Variants in DNAAF4 observed in about 807,000 individuals in gnomAD.
DNAAF4 encodes dynein axonemal assembly factor 4, also known as dynein assembly factor 4, axonemal.
Under a neutral mutation model 51.8 loss-of-function variants are expected in DNAAF4, and 43 were observed. That is an observed-to-expected ratio of 0.83 (90% CI 0.65 to 1.07). The LOEUF (loss-of-function observed/expected upper bound fraction) is 1.07. Ranked by LOEUF, DNAAF4 falls within the 50% of genes least tolerant of loss-of-function variation. DNAAF4 has a pLI of 0.00. For synonymous variants in DNAAF4, 194 were observed against 165.6 expected (o/e 1.17, Z -1.32); for missense variants, 581 against 493.0 (o/e 1.18, Z -1.69).
Position 55,458,312 on chromosome 15 carries a change from G to C in DNAAF4, c.638-7945C>G, listed in dbSNP as rs532340325. Among the ~76,000 whole-genome samples, 80 of 152,032 alleles carry C rather than the reference G, an allele frequency of 5.3e-4. 3 individuals carry two copies. In the South Asian group the frequency reaches 0.016, roughly 31 times the overall value. On this transcript the variant is annotated intron_variant, in intron 5 of 9. Transcript: ENST00000321149. ...AAAAAAGGAGGATATGAATGGAAAA[G>C]TCTCCAGAGAAATAGATATTATAAA...
chr15:55,417,905 G>T (rs776932070), exon 8 of DNAAF4: 25 of 453,670 alleles, frequency 5.5e-5, no homozygotes, highest in Non-Finnish European at 8.6e-5. Flanking sequence ...TTCTGTGGCG[G>T]GCAGGGGCAG....
At chr15:55,418,649 A>G (rs2057359518) in intron 7 of DNAAF4, 1 of 975,752 alleles carries the variant, frequency 1.0e-6, no homozygotes, top group Middle Eastern at 3.2e-4. Flanking sequence ...AATACCTAAT[A>G]AAGAAGATAA....
intron 3 of DNAAF4, among the ~76,000 whole-genome samples, chr15:55,494,045 T>C (rs75373005): frequency 6.6e-6 from 1 of 151,900 alleles, no homozygotes; most frequent in African/African-American, 2.4e-5. Flanking sequence ...TTTTTTTTTT[T>C]TGAGACTGAG....
At chr15:55,424,379 T>G in intron 7 of DNAAF4, among the ~76,000 whole-genome samples, 1 of 152,228 alleles carries the variant, frequency 6.6e-6, no homozygotes, top group South Asian at 2.1e-4. Context: ...ATAAATTACC[T>G]AGTCTGTGGT....
intron 1 of DNAAF4, among the ~76,000 whole-genome samples, chr15:55,501,716 GC>G (rs144987435): frequency 0.044 from 6,631 of 151,062 alleles, 218 homozygotes; most frequent in South Asian, 0.083. Flanking sequence ...CATTAGGGAG[GC>G]AAAAAATTAA....
chr15:55,474,432 G>A (rs1322480146), intron 4 of DNAAF4, among the ~76,000 whole-genome samples: 1 of 152,020 alleles, frequency 6.6e-6, no homozygotes. Flanking sequence ...TACTCAGGAG[G>A]CTGAGGCAGA....
intron 1 of DNAAF4, among the ~76,000 whole-genome samples, chr15:55,501,022 T>A (rs1159933473): frequency 7.0e-6 from 1 of 143,442 alleles, no homozygotes; most frequent in African/African-American, 2.6e-5. Context: ...AATGGAAACT[T>A]AAAAAAAAAA....
At chr15:55,492,969 C>G (rs771419694) in intron 3 of DNAAF4, among the ~76,000 whole-genome samples, 8 of 152,142 alleles carry the variant, frequency 5.3e-5, no homozygotes, top group Non-Finnish European at 1.0e-4. Flanking sequence ...TTTGTTGATA[C>G]TACTTGCTAT....
chr15:55,431,619 C>T (rs2414414), intron 9 of DNAAF4, among the ~76,000 whole-genome samples: 11,428 of 151,722 alleles, frequency 0.075, 1,233 homozygotes, highest in East Asian at 0.53. Context: ...GGACTACAGG[C>T]GCCCGCCACC....
At chr15:55,469,967 G>A (rs746654620) in intron 4 of DNAAF4, among the ~76,000 whole-genome samples, 5 of 152,040 alleles carry the variant, frequency 3.3e-5, no homozygotes, top group Non-Finnish European at 7.4e-5. Flanking sequence ...GCTATAAGTT[G>A]GGGGTTTCTA....
chr15:55,425,980 G>A (rs565402492), downstream of DNAAF4, among the ~76,000 whole-genome samples: 11 of 152,310 alleles, frequency 7.2e-5, no homozygotes, highest in South Asian at 8.3e-4. Context: ...GGAGACCAGC[G>A]TTTTATTACT....
chr15:55,467,235 A>C, intron 4 of DNAAF4, 74 bp from the exon 5 acceptor site: 1 of 1,295,124 alleles, frequency 7.7e-7, no homozygotes, highest in Non-Finnish European at 1.1e-6. Context: ...AATTCATTAC[A>C]ATAATTAGTT....
chr15:55,431,221 T>C (rs557966994), intron 9 of DNAAF4, among the ~76,000 whole-genome samples: 17 of 152,090 alleles, frequency 1.1e-4, no homozygotes, highest in Admixed American at 2.6e-4. Flanking sequence ...CCCCTAAATC[T>C]ATCTAAAATA....
At chr15:55,442,158 G>C (rs2057724748) in intron 6 of DNAAF4, among the ~76,000 whole-genome samples, 2 of 152,216 alleles carry the variant, frequency 1.3e-5, no homozygotes, top group South Asian at 4.1e-4. Context: ...TCGTTCTGTT[G>C]CCAAGGCTGG....
At chr15:55,483,309 C>A (rs1595942320) in intron 4 of DNAAF4, among the ~76,000 whole-genome samples, 1 of 151,790 alleles carries the variant, frequency 6.6e-6, no homozygotes, top group African/African-American at 2.4e-5. Flanking sequence ...ATTGGCCAGG[C>A]TGGTCTCAAA....
intron 4 of DNAAF4, among the ~76,000 whole-genome samples, chr15:55,474,810 C>T (rs913338124): frequency 1.3e-5 from 2 of 152,086 alleles, no homozygotes; most frequent in Admixed American, 1.3e-4. Context: ...GAAACCTCGT[C>T]TCTACTAAAA....
intron 6 of DNAAF4, among the ~76,000 whole-genome samples, chr15:55,448,560 A>G (rs1025037480): frequency 2.1e-5 from 3 of 140,982 alleles, no homozygotes; most frequent in Non-Finnish European, 4.7e-5. Flanking sequence ...GTGTGTGTGT[A>G]TAAACACAAT....
intron 3 of DNAAF4, among the ~76,000 whole-genome samples, chr15:55,492,836 C>T (rs1463320048): frequency 6.6e-6 from 1 of 152,070 alleles, no homozygotes; most frequent in Non-Finnish European, 1.5e-5. Context: ...CTGCGGCCGG[C>T]CAAATTGTGA....
In DNAAF4 at chr15:55,469,014, G is replaced by A. The variant is rs188928118; in HGVS notation, c.406-1853C>T. On this transcript the variant is annotated intron_variant, in intron 4 of 9. Coordinates refer to ENST00000321149, the MANE Select transcript of DNAAF4 (RefSeq NM_130810.4). ...CAAAGCTTATGATAAAGAGAAAAGA[G>A]ACTACATGTACCAAAGAAAAACAGA... is the stretch of plus-strand genomic sequence containing the variant. 3.9e-4 allele frequency among the ~76,000 whole-genome samples: 60 copies of A among 152,214 alleles called. No individual in the cohort carries two copies. The East Asian group carries it at 7.0e-3, about 18-fold the overall frequency.
Sources: gnomAD v4.1 joint callset for allele counts (sites outside exome capture counted in the v4.1 genomes callset) on GRCh38, gnomAD v4.1.1 for gene constraint, MANE v1.5 for transcripts, NCBI Gene and HGNC (gene_info 2026-07-23, HGNC 2026-07-21) for gene names.